The following PRIM2 variants were observed in gnomAD, a reference collection of about 807,000 sequenced individuals.
The protein encoded by PRIM2 is DNA primase subunit 2.
A neutral mutation model predicts 67.3 loss-of-function variants in PRIM2; 39 were observed. The ratio of observed to expected loss-of-function variants is 0.58; its 90% CI spans 0.45 to 0.76. The LOEUF (loss-of-function observed/expected upper bound fraction) is 0.76. Ranked by LOEUF, PRIM2 falls within the 30% of genes least tolerant of loss-of-function variation. The pLI is 0.00. For missense variants in PRIM2, 398 were observed against 598.7 expected (o/e 0.66, Z 3.50); for synonymous variants, 143 against 198.7 (o/e 0.72, Z 2.36).
chr6:57,628,730 C>T (rs1452179574), intron 12 of PRIM2, among the ~76,000 whole-genome samples: 4 of 152,114 alleles, frequency 2.6e-5, no homozygotes, highest in Non-Finnish European at 4.4e-5. Context: ...TAAGTGAGAA[C>T]ATGTGGTATT....
At chr6:57,266,092 C>T in the PRIM2 span, among the ~76,000 whole-genome samples, 7 of 152,076 alleles carry the variant, frequency 4.6e-5, no homozygotes, top group Admixed American at 2.0e-4. Context: ...CACCCAGAAA[C>T]GAAAGGAAAA....
chr6:57,560,742 T>G (rs1473015560), intron 10 of PRIM2, among the ~76,000 whole-genome samples: 2 of 151,982 alleles, frequency 1.3e-5, no homozygotes, highest in African/African-American at 4.8e-5. Context: ...AGCAGTAATA[T>G]TTTGTAAGGA....
At chr6:57,388,636 T>C (rs10949039) in intron 7 of PRIM2, among the ~76,000 whole-genome samples, 1 of 152,130 alleles carries the variant, frequency 6.6e-6, no homozygotes. Context: ...AGAAGCAGGA[T>C]TTGAATCCAT....
chr6:57,589,249 G>A (rs1240315266), intron 10 of PRIM2, among the ~76,000 whole-genome samples: 2 of 152,160 alleles, frequency 1.3e-5, no homozygotes, highest in African/African-American at 2.4e-5. Flanking sequence ...TCTGTGGTCA[G>A]GAAAGTATTT....
the PRIM2 span, among the ~76,000 whole-genome samples, chr6:57,272,058 G>A: frequency 0.059 from 9,011 of 152,088 alleles, 609 homozygotes; most frequent in African/African-American, 0.16. Flanking sequence ...CTATGTGGTC[G>A]ATTTTGGAAT....
intron 10 of PRIM2, among the ~76,000 whole-genome samples, chr6:57,577,267 CTGACACA>C (rs1291724946): frequency 6.6e-6 from 1 of 152,064 alleles, no homozygotes; most frequent in Non-Finnish European, 1.5e-5. Flanking sequence ...GGTTTCAGTC[CTGACACA>C]TCTTACTGTG....
the PRIM2 span, among the ~76,000 whole-genome samples, chr6:57,292,586 A>G: frequency 1.3e-5 from 2 of 152,224 alleles, no homozygotes; most frequent in Non-Finnish European, 2.9e-5. Flanking sequence ...ATGCTACCTG[A>G]CTTCGAACTA....
In PRIM2 at chr6:57,632,283, G is replaced by A. The variant is rs1467529285; in HGVS notation, c.1299+82G>A. On this transcript the variant is annotated intron_variant, in intron 13 of 13. Transcript: ENST00000615550. ...ATTCAGGGTTTTTAGTTGCAGCAATGGAAACCACTCTAGCTATTTTCAGCA... is the reference window on the plus strand; with the variant it reads ...ATTCAGGGTTTTTAGTTGCAGCAATAGAAACCACTCTAGCTATTTTCAGCA... 43 of 715,468 alleles carry A rather than the reference G, an allele frequency of 6.0e-5. No homozygotes were observed. The East Asian group carries it at 1.3e-3, about 21-fold the overall frequency. The allele number at this position is 715,468 out of a possible 1,614,324, so 44.3% of individuals were successfully genotyped here. A position where few individuals can be genotyped will look rare whatever the true frequency, so the allele number is the denominator to read the frequency against.
intron 7 of PRIM2, among the ~76,000 whole-genome samples, chr6:57,407,271 CTT>C (rs1770923312): frequency 6.6e-6 from 1 of 151,980 alleles, no homozygotes; most frequent in Non-Finnish European, 1.5e-5. Context: ...CATTTATAAT[CTT>C]TTCTTCTAAG....
chr6:57,473,645 A>T (rs1773392540), intron 7 of PRIM2, among the ~76,000 whole-genome samples: 4 of 152,184 alleles, frequency 2.6e-5, no homozygotes, highest in Non-Finnish European at 1.5e-5. Flanking sequence ...TTCCAGAAGT[A>T]AATGATGTGA....
the PRIM2 span, among the ~76,000 whole-genome samples, chr6:57,299,064 TTC>T: frequency 2.0e-5 from 3 of 151,656 alleles, no homozygotes; most frequent in African/African-American, 7.2e-5. Context: ...CTCTCTCTCT[TTC>T]TCTCTGTCTC....
chr6:57,458,824 T>C (rs1443842345), intron 7 of PRIM2, among the ~76,000 whole-genome samples: 1 of 152,212 alleles, frequency 6.6e-6, no homozygotes, highest in Non-Finnish European at 1.5e-5. Context: ...ACACTTTGTC[T>C]TCATAAAAAA....
chr6:57,305,721 G>C, the PRIM2 span, among the ~76,000 whole-genome samples: 1 of 152,060 alleles, frequency 6.6e-6, no homozygotes, highest in Non-Finnish European at 1.5e-5. Flanking sequence ...GATGATTCTG[G>C]GTAGATGGAT....
chr6:57,446,390 A>G (rs1772365207), intron 7 of PRIM2, among the ~76,000 whole-genome samples: 1 of 139,124 alleles, frequency 7.2e-6, no homozygotes, highest in South Asian at 2.4e-4. Flanking sequence ...CACTGATAGC[A>G]TGGGCATAGG....
At chr6:57,617,227 T>G (rs1776771531) in intron 12 of PRIM2, among the ~76,000 whole-genome samples, 1 of 152,228 alleles carries the variant, frequency 6.6e-6, no homozygotes, top group Non-Finnish European at 1.5e-5. Flanking sequence ...CATGGCTTCC[T>G]CCCTGTATGT....
chr6:57,487,050 T>C (rs1773770482), intron 7 of PRIM2, among the ~76,000 whole-genome samples: 1 of 152,346 alleles, frequency 6.6e-6, no homozygotes, highest in African/African-American at 2.4e-5. Flanking sequence ...TGAAGTTTTA[T>C]AGTCATTGTT....
At chr6:57,549,846 G>A (rs1397919187) in intron 10 of PRIM2, among the ~76,000 whole-genome samples, 1 of 152,144 alleles carries the variant, frequency 6.6e-6, no homozygotes, top group Non-Finnish European at 1.5e-5. Context: ...AGCACTTTGG[G>A]AGGCCGAGGC....
the PRIM2 span, among the ~76,000 whole-genome samples, chr6:57,250,774 CTCTT>C: frequency 6.6e-6 from 1 of 152,182 alleles, no homozygotes; most frequent in African/African-American, 2.4e-5. Flanking sequence ...TAGTATTTGA[CTCTT>C]TCCCGTTTTC....
the PRIM2 span, among the ~76,000 whole-genome samples, chr6:57,272,053 T>C: frequency 6.6e-6 from 1 of 152,200 alleles, no homozygotes; most frequent in Non-Finnish European, 1.5e-5. Context: ...TCCAACTATG[T>C]GGTCGATTTT....
Sources: gnomAD v4.1 joint callset for allele counts (sites outside exome capture counted in the v4.1 genomes callset) on GRCh38, gnomAD v4.1.1 for gene constraint, MANE v1.5 for transcripts, NCBI Gene and HGNC (gene_info 2026-07-23, HGNC 2026-07-21) for gene names.